ETS1: variants seen among roughly 807,000 people sequenced by gnomAD.
ETS1 encodes protein C-ets-1.
ETS1 carries 15 observed loss-of-function variants against 58.6 expected under a neutral mutation model. The observed-to-expected ratio is 0.26, with a 90% CI of 0.17 to 0.39. The LOEUF is 0.39. ETS1 is among the 10% of genes least tolerant of loss of function. The pLI is 1.00. For missense variants in ETS1, 417 were observed against 610.5 expected, an observed-to-expected ratio of 0.68 and a Z score of 3.34; for synonymous variants, 214 against 218.2, an observed-to-expected ratio of 0.98 and a Z score of 0.17.
chr11:128,507,374 T>C (rs1343996444), intron 3 of ETS1, among the ~76,000 whole-genome samples: 1 of 152,170 alleles, frequency 6.6e-6, no homozygotes, highest in Non-Finnish European at 1.5e-5. Context: ...TGTGGCAGAA[T>C]TCAAGACATA....
chr11:128,465,937 G>T (rs1002363676), intron 8 of ETS1, among the ~76,000 whole-genome samples: 2 of 152,202 alleles, frequency 1.3e-5, no homozygotes, highest in Non-Finnish European at 2.9e-5. Flanking sequence ...AACCCATGCA[G>T]CCCATCCCCA....
At chr11:128,542,448 T>C (rs372199208) in intron 3 of ETS1, among the ~76,000 whole-genome samples, 2 of 152,220 alleles carry the variant, frequency 1.3e-5, no homozygotes, top group East Asian at 3.8e-4. Flanking sequence ...ACTCTTCTAC[T>C]GGACTTCCCA....
At position 128,492,511 on chromosome 11, in the gene ETS1, G is replaced by A. The variant is rs578024245; in HGVS notation, c.215-1935C>T. ...AATCTGAAGTTCCAGGGAGTGGTAA[G>A]TTTGGGTTGCCCTGGGACATGCCCA... is the stretch of plus-strand genomic sequence containing the variant. On this transcript the variant is annotated intron_variant, in intron 3 of 9. Transcript: ENST00000392668. 2.1e-3 allele frequency among the ~76,000 whole-genome samples: 312 copies of A among 152,098 alleles called. 2 individuals carry two copies. The highest frequency in any genetic ancestry group is 7.3e-3 in the African/African-American group (303 of 41,470).
chr11:128,533,512 C>T (rs548493912), intron 3 of ETS1, among the ~76,000 whole-genome samples: 2 of 152,336 alleles, frequency 1.3e-5, no homozygotes, highest in Admixed American at 1.3e-4. Context: ...CCTTCTCCCC[C>T]ACATAGGGAC....
chr11:128,556,504 T>G, intron 2 of ETS1, 69 bp from the exon 3 acceptor site: 6 of 1,011,452 alleles, frequency 5.9e-6, no homozygotes, highest in Non-Finnish European at 8.6e-6. Context: ...TAAAGAACTA[T>G]GACTTCATAT....
intron 3 of ETS1, among the ~76,000 whole-genome samples, chr11:128,534,274 AG>A (rs1461416880): frequency 4.6e-5 from 7 of 152,210 alleles, no homozygotes; most frequent in Non-Finnish European, 8.8e-5. Context: ...AAGTGTTTTT[AG>A]GAAGACTCAC....
intron 1 of ETS1, among the ~76,000 whole-genome samples, chr11:128,584,977 A>AGAAAGAAAGAAAG (rs1555092867): frequency 0.1 from 1,903 of 18,332 alleles, 337 homozygotes; most frequent in African/African-American, 0.13. Flanking sequence ...AAAGAAAGAA[A>AGAAAGAAAGAAAG]GAAAGAAAGA....
At chr11:128,557,670 T>C (rs1194975700) in intron 2 of ETS1, among the ~76,000 whole-genome samples, 4 of 152,124 alleles carry the variant, frequency 2.6e-5, no homozygotes, top group African/African-American at 9.7e-5. Context: ...TTTCTTTTTT[T>C]CTTTTTTATT....
At position 128,480,819 on chromosome 11, in the gene ETS1, T is replaced by TGATATGATTTCTGG. The variant is rs1862465999; in HGVS notation, c.863-369_863-368insCCAGAAATCATATC. On this transcript the variant is annotated intron_variant, in intron 7 of 9. Transcript: ENST00000392668. ...ATGTTATGATATGATTTCTGGCTGA[T>TGATATGATTTCTGG]GTCGTAGGCCCAATGAATAAATGAA... is the stretch of plus-strand genomic sequence containing the variant. 7.9e-5 allele frequency among the ~76,000 whole-genome samples: 12 copies of TGATATGATTTCTGG among 152,294 alleles called. No homozygotes were observed. In the East Asian group the frequency reaches 2.1e-3, roughly 27 times the overall value.
At chr11:128,505,734 G>C (rs1034388518) in intron 3 of ETS1, among the ~76,000 whole-genome samples, 2 of 152,202 alleles carry the variant, frequency 1.3e-5, no homozygotes, top group Non-Finnish European at 2.9e-5. Flanking sequence ...GGCGGAGGGA[G>C]CTTAAGCCAC....
intron 3 of ETS1, among the ~76,000 whole-genome samples, chr11:128,498,175 G>C (rs1862993058): frequency 6.6e-6 from 1 of 152,098 alleles, no homozygotes; most frequent in Non-Finnish European, 1.5e-5. Context: ...CAATGCCAAA[G>C]CTTAAGACAT....
At chr11:128,494,023 T>C (rs1862873407) in intron 3 of ETS1, among the ~76,000 whole-genome samples, 1 of 152,370 alleles carries the variant, frequency 6.6e-6, no homozygotes, top group South Asian at 2.1e-4. Flanking sequence ...CCTATTATAA[T>C]ATTTTTACAT....
intron 3 of ETS1, among the ~76,000 whole-genome samples, chr11:128,516,303 T>A (rs1332731481): frequency 6.6e-6 from 1 of 152,188 alleles, no homozygotes; most frequent in African/African-American, 2.4e-5. Flanking sequence ...GGGAATAGCC[T>A]TGACATTCCT....
At chr11:128,497,720 G>C (rs1361068556) in intron 3 of ETS1, 2 of 215,396 alleles carry the variant, frequency 9.3e-6, no homozygotes, top group Admixed American at 1.3e-4. Context: ...ATTCGTTCAG[G>C]CACCTGACAT....
chr11:128,586,776 C>T (rs1485607836), intron 1 of ETS1, among the ~76,000 whole-genome samples: 1 of 152,172 alleles, frequency 6.6e-6, no homozygotes, highest in Non-Finnish European at 1.5e-5. Context: ...GAGTCACATA[C>T]AAAGTGTCAC....
chr11:128,500,649 A>AC (rs1863063069), intron 3 of ETS1, among the ~76,000 whole-genome samples: 1 of 152,186 alleles, frequency 6.6e-6, no homozygotes, highest in Non-Finnish European at 1.5e-5. Context: ...ACACATTCAC[A>AC]CAGTGCAACT....
At chr11:128,555,668 A>C (rs1864300943) in intron 3 of ETS1, among the ~76,000 whole-genome samples, 1 of 152,180 alleles carries the variant, frequency 6.6e-6, no homozygotes, top group Non-Finnish European at 1.5e-5. Context: ...GAACTAGTGG[A>C]ATTTGTGAGA....
chr11:128,463,379 G>A lies in ETS1; in HGVS notation c.1242+130C>T. ...GGAGCTCAGACAGGCTACCTAGCTT[G>A]CTCCGGGTGGCAAGTGGCAGAGCTG... On this transcript the variant is annotated intron_variant, in intron 9 of 9. Coordinates refer to ENST00000392668, the MANE Select transcript of ETS1 (RefSeq NM_001143820.2). The surrounding 1 kb of genome is among the most constrained non-coding windows in gnomAD (Gnocchi z 4.1). The A allele has an allele frequency of 1.5e-6, 1 of 663,658 alleles. No individual in the cohort carries two copies. The highest frequency in any genetic ancestry group is 2.8e-6 in the Non-Finnish European group (1 of 362,894). The allele number at this position is 663,658 out of a possible 1,614,324, so 41.1% of individuals were successfully genotyped here.
chr11:128,505,123 A>T (rs963101312), intron 3 of ETS1: 1 of 152,252 alleles, frequency 6.6e-6, no homozygotes, highest in Admixed American at 6.5e-5. Context: ...TCAGTGATCT[A>T]TGAACCTTTA....
Sources: allele counts gnomAD v4.1 joint callset (sites outside exome capture counted in the v4.1 genomes callset), GRCh38; gene constraint gnomAD v4.1.1; non-coding constraint Gnocchi (gnomAD v3.1); transcripts MANE v1.5; gene names NCBI Gene and HGNC (gene_info 2026-07-23, HGNC 2026-07-21).